Variants in TCF12 observed in about 807,000 individuals in gnomAD.
TCF12 encodes the protein transcription factor 12, also known as DNA-binding protein HTF4.
TCF12 carries 45 observed loss-of-function variants against 86.0 expected under a neutral mutation model. That is an observed-to-expected ratio of 0.52 (90% CI 0.41 to 0.67). The LOEUF (loss-of-function observed/expected upper bound fraction) is 0.67. Among genes scored for constraint, TCF12 ranks in the 30% least tolerant of loss-of-function variants. The probability of loss-of-function intolerance (pLI) is 0.00; values close to 1 mark genes in which losing one functional copy is unlikely to be tolerated. For missense variants in TCF12, 881 were observed against 859.9 expected (o/e 1.02, Z -0.31); for synonymous variants, 330 against 299.6 (o/e 1.10, Z -1.05).
chr15:57,227,536 T>G (rs1397309679), intron 8 of TCF12, among the ~76,000 whole-genome samples: 3 of 152,170 alleles, frequency 2.0e-5, no homozygotes, highest in African/African-American at 7.2e-5. Context: ...CAAAGTATAC[T>G]ATCCCTTTTT....
intron 8 of TCF12, among the ~76,000 whole-genome samples, chr15:57,215,068 C>T (rs2058277288): frequency 6.6e-6 from 1 of 151,976 alleles, no homozygotes; most frequent in Admixed American, 6.6e-5. Context: ...TTCTTTCTTG[C>T]AGAAGTAAAT....
In TCF12 at chr15:57,286,719, C is replaced by A. The variant is rs1269113946; in HGVS notation, c.*574C>A. On this transcript the variant is annotated 3_prime_UTR_variant, in exon 21 of 21. Transcript: ENST00000333725. ...AAGTCTTTTGTTGCCCTCTCCTATC[C>A]TCTTGCCATATGAATAGCGTTTTCC... The A allele has an allele frequency of 2.2e-6, 1 of 452,060 alleles. No homozygotes were observed. The highest frequency in any genetic ancestry group is 2.0e-5 in the African/African-American group (1 of 49,770). 28.0% of individuals were successfully genotyped at this position (452,060 alleles called of 1,614,324 possible). A position where few individuals can be genotyped will look rare whatever the true frequency, so the allele number is the denominator to read the frequency against.
At chr15:57,284,868 C>T (rs990623302) in intron 20 of TCF12, among the ~76,000 whole-genome samples, 3 of 152,190 alleles carry the variant, frequency 2.0e-5, no homozygotes, top group Admixed American at 1.3e-4. Flanking sequence ...CATAGCTCTA[C>T]CTTTATCTCT....
intron 5 of TCF12, among the ~76,000 whole-genome samples, chr15:57,145,653 G>GT (rs1415931700): frequency 6.6e-6 from 1 of 151,476 alleles, no homozygotes; most frequent in Non-Finnish European, 1.5e-5. Flanking sequence ...GGGAAAAAGA[G>GT]TTGGTGTAGG....
Position 57,231,275 on chromosome 15 carries a change from A to G in TCF12, c.685+18A>G, listed in dbSNP as rs766917723. 6.6e-7 allele frequency: 1 copy of G among 1,520,476 alleles called. No homozygotes were observed. Among genetic ancestry groups the G allele is most frequent in the African/African-American group, 1.4e-5 (1 of 73,012 alleles). The allele number at this position is 1,520,476 out of a possible 1,614,324, so 94.2% of individuals were successfully genotyped here. A position where few individuals can be genotyped will look rare whatever the true frequency, so the allele number is the denominator to read the frequency against. ...TATGCAAGGTAAGTACTACCAAACA[A>G]TTGCCAAATACTACTGCAGTCATCT... On this transcript the variant is annotated intron_variant, in intron 9 of 20. Transcript: ENST00000333725.
chr15:57,272,286 A>C (rs1195622625), intron 18 of TCF12, among the ~76,000 whole-genome samples: 1 of 152,198 alleles, frequency 6.6e-6, no homozygotes, highest in Non-Finnish European at 1.5e-5. Context: ...TGAATTTCCA[A>C]AGTTGGAATT....
At chr15:57,241,653 G>A (rs1222221359) in intron 12 of TCF12, among the ~76,000 whole-genome samples, 1 of 152,114 alleles carries the variant, frequency 6.6e-6, no homozygotes, top group Non-Finnish European at 1.5e-5. Flanking sequence ...TCAAAGGAAG[G>A]TAGACTTTGG....
chr15:56,935,076 T>TC (rs2060409821), intron 3 of TCF12, among the ~76,000 whole-genome samples: 1 of 152,184 alleles, frequency 6.6e-6, no homozygotes, highest in Non-Finnish European at 1.5e-5. Flanking sequence ...TAGTGAGGGT[T>TC]CTTGAATATA....
intron 7 of TCF12, among the ~76,000 whole-genome samples, chr15:57,194,438 A>T (rs992174538): frequency 6.6e-6 from 1 of 152,152 alleles, no homozygotes. Flanking sequence ...TTCCTGTGTA[A>T]ATGTCATTTA....
intron 3 of TCF12, among the ~76,000 whole-genome samples, chr15:57,057,707 T>C (rs2068139283): frequency 6.6e-6 from 1 of 152,156 alleles, no homozygotes; most frequent in Non-Finnish European, 1.5e-5. Flanking sequence ...GGGAAGCCAT[T>C]GGTAGGTTTT....
chr15:57,208,244 G>C (rs2151803010), intron 8 of TCF12, among the ~76,000 whole-genome samples: 1 of 151,692 alleles, frequency 6.6e-6, no homozygotes, highest in African/African-American at 2.4e-5. Flanking sequence ...ATCTTGGCCA[G>C]GCTGGTCTTG....
intron 4 of TCF12, among the ~76,000 whole-genome samples, chr15:57,088,700 TC>T (rs1389889094): frequency 2.6e-5 from 4 of 152,132 alleles, no homozygotes; most frequent in Admixed American, 1.3e-4. Context: ...GCCAGCAGCA[TC>T]AGCATCACCT....
intron 12 of TCF12, among the ~76,000 whole-genome samples, chr15:57,235,858 G>C (rs1246538296): frequency 2.0e-5 from 3 of 152,160 alleles, no homozygotes; most frequent in African/African-American, 7.2e-5. Flanking sequence ...AGGCAGGCAA[G>C]AATTTGTGAT....
chr15:57,211,026 C>G (rs943960334), intron 8 of TCF12, among the ~76,000 whole-genome samples: 4 of 152,204 alleles, frequency 2.6e-5, no homozygotes, highest in African/African-American at 7.2e-5. Flanking sequence ...AAAATTATAA[C>G]AAAGCCATCC....
chr15:57,249,427 A>T (rs1381589460), intron 13 of TCF12, among the ~76,000 whole-genome samples: 1 of 150,326 alleles, frequency 6.7e-6, no homozygotes, highest in Non-Finnish European at 1.5e-5. Flanking sequence ...AAAAAAAAAA[A>T]TTAACTGAAG....
rs2061979938 is a variant in TCF12, at chr15:57,287,780, T to C, written c.*1635T>C. On this transcript the variant is annotated 3_prime_UTR_variant, in exon 21 of 21. Transcript: ENST00000333725. ...ATCAGGATGATTCCTAACAAGTCAG[T>C]CATTTGTGAACTTAGTGGACTTTTT... The C allele has an allele frequency of 6.6e-6, 1 of 152,644 alleles. No homozygotes were observed. The highest frequency in any genetic ancestry group is 1.5e-5 in the Non-Finnish European group (1 of 68,028). The allele number at this position is 152,644 out of a possible 1,614,324, so 9.5% of individuals were successfully genotyped here.
At chr15:57,234,154 G>A (rs1398054204) in intron 12 of TCF12, 47 bp downstream of exon 12, 2 of 1,404,620 alleles carry the variant, frequency 1.4e-6, no homozygotes, top group African/African-American at 2.8e-5. Flanking sequence ...TTACACTACT[G>A]AATACAGTGA....
At chr15:57,266,151 C>A (rs1487939349) in intron 18 of TCF12, among the ~76,000 whole-genome samples, 1 of 151,532 alleles carries the variant, frequency 6.6e-6, no homozygotes, top group Non-Finnish European at 1.5e-5. Context: ...TCGCTGTCAC[C>A]CAGGCTGGAA....
At chr15:57,079,042 G>A (rs1174947179) in intron 4 of TCF12, among the ~76,000 whole-genome samples, 7 of 152,146 alleles carry the variant, frequency 4.6e-5, no homozygotes, top group East Asian at 1.9e-4. Flanking sequence ...TTATATTTTC[G>A]TAAGTATGTG....
Sources: allele counts gnomAD v4.1 joint callset (sites outside exome capture counted in the v4.1 genomes callset), GRCh38; gene constraint gnomAD v4.1.1; transcripts MANE v1.5; gene names NCBI Gene and HGNC (gene_info 2026-07-23, HGNC 2026-07-21).